Variants in NTNG2 observed in about 807,000 individuals in gnomAD.
NTNG2 encodes netrin G2, also known as netrin-G2.
A neutral mutation model predicts 47.6 loss-of-function variants in NTNG2; 15 were observed. The ratio of observed to expected loss-of-function variants is 0.32; its 90% CI spans 0.21 to 0.49. The LOEUF is 0.49. Among genes scored for constraint, NTNG2 ranks in the 20% least tolerant of loss-of-function variants. NTNG2 has a pLI of 0.99. For synonymous variants in NTNG2, 307 were observed against 324.6 expected, an observed-to-expected ratio of 0.95 and a Z score of 0.58; for missense variants, 578 against 764.6, an observed-to-expected ratio of 0.76 and a Z score of 2.88.
At chr9:132,225,593 G>A (rs1488574156) in intron 3 of NTNG2, among the ~76,000 whole-genome samples, 3 of 152,038 alleles carry the variant, frequency 2.0e-5, no homozygotes, top group African/African-American at 7.2e-5. Context: ...AAAAGATAAG[G>A]ACTTTAAAAA....
rs777317822 is a variant in NTNG2 at position 132,221,907 on chromosome 9, G to A, written c.858-4942G>A. Among the ~76,000 whole-genome samples the A allele has an allele frequency of 1.4e-4, 21 of 152,208 alleles. No homozygotes were observed. Among genetic ancestry groups the A allele is most frequent in the Non-Finnish European group, 2.6e-4 (18 of 68,044 alleles). ...GCCAAGGTCAATGTTATCACCCAAA[G>A]TTGATGGCAATCTTTTCTTTCGGTA... On this transcript the variant is annotated intron_variant, in intron 3 of 7. Transcript: ENST00000393229. The surrounding 1 kb of genome is among the most constrained non-coding windows in gnomAD (Gnocchi z 4.2).
At chr9:132,176,448 G>C (rs1316127673) in intron 2 of NTNG2, among the ~76,000 whole-genome samples, 1 of 152,170 alleles carries the variant, frequency 6.6e-6, no homozygotes, top group Non-Finnish European at 1.5e-5. Context: ...ACAATATGAG[G>C]CTCTTTGTGA....
In NTNG2 at chr9:132,243,085, C is replaced by T. The variant is rs1842079032; in HGVS notation, c.*974C>T. On this transcript the variant is annotated 3_prime_UTR_variant, in exon 8 of 8. Transcript: ENST00000393229. ...CACTGAAAGGCTGCCTCCCTCCTTT[C>T]CCAAAAAAGAAATCCGGAGTGTATT... is the stretch of plus-strand genomic sequence containing the variant. The T allele has an allele frequency of 6.6e-6, 1 of 152,172 alleles. No individual in the cohort carries two copies. The highest frequency in any genetic ancestry group is 1.5e-5 in the Non-Finnish European group (1 of 68,048). The allele number at this position is 152,172 out of a possible 1,614,324, so 9.4% of individuals were successfully genotyped here.
upstream of NTNG2, chr9:132,162,041 G>C (rs1300568978): frequency 2.0e-5 from 3 of 149,622 alleles, no homozygotes; most frequent in African/African-American, 7.3e-5. This position sits in a 1 kb window ranked among gnomAD's most constrained non-coding sequence, Gnocchi z 4.6. Context: ...CCGGCGGCCG[G>C]AGGGCTCCCT....
chr9:132,166,817 G>A lies in NTNG2; in HGVS notation c.-15G>A. ...CAGGGCTTCTCTGGGCCGCGCCTCT[G>A]CAGACTGCGCAGCCATGCTGCATCT... On this transcript the variant is annotated 5_prime_UTR_variant, in exon 2 of 8. Coordinates refer to ENST00000393229, the MANE Select transcript of NTNG2 (RefSeq NM_032536.4). 1 of 1,612,800 alleles carries A rather than the reference G, an allele frequency of 6.2e-7. No homozygotes were observed. Among genetic ancestry groups the A allele is most frequent in the East Asian group, 2.2e-5 (1 of 44,884 alleles).
chr9:132,224,552 G>T (rs749226749), intron 3 of NTNG2, among the ~76,000 whole-genome samples: 9 of 152,144 alleles, frequency 5.9e-5, no homozygotes, highest in Non-Finnish European at 1.0e-4. Flanking sequence ...CATCTGCTTT[G>T]TTGACATTAT....
At chr9:132,192,242 G>T (rs1189132286) in intron 2 of NTNG2, among the ~76,000 whole-genome samples, 2 of 152,342 alleles carry the variant, frequency 1.3e-5, no homozygotes, top group East Asian at 1.9e-4. Context: ...GGGGTGGGGG[G>T]ACTGGGGTAA....
At chr9:132,170,407 G>A (rs969570242) in intron 2 of NTNG2, among the ~76,000 whole-genome samples, 4 of 152,156 alleles carry the variant, frequency 2.6e-5, no homozygotes, top group Admixed American at 6.5e-5. Context: ...GAAGAGAGGC[G>A]GCCCCCACCC....
In NTNG2 at chr9:132,198,426, C is replaced by A; in HGVS notation, c.674C>A (p.Pro225His). Reference sequence around the variant, plus strand: ...GACCGCTTCGCCATCTTTGCCGGCCCCGACCTGCGCAACATGGACAACCTC... The same window carrying A: ...GACCGCTTCGCCATCTTTGCCGGCCACGACCTGCGCAACATGGACAACCTC... ...VRDRFAIFAGPDLRNMDNLYT... is the reference protein window; with the variant it reads ...VRDRFAIFAGHDLRNMDNLYT... Residue 225 changes from proline to histidine, a missense_variant, in exon 3 of 8, where the codon CCC becomes CAC. Transcript: ENST00000393229. The A allele has an allele frequency of 6.2e-7, 1 of 1,613,100 alleles. No individual in the cohort carries two copies.
At position 132,218,748 on chromosome 9, in the gene NTNG2, C is replaced by T. The variant is rs956452713; in HGVS notation, c.858-8101C>T. 4.6e-4 allele frequency among the ~76,000 whole-genome samples: 70 copies of T among 152,294 alleles called. No homozygotes were observed. Among genetic ancestry groups the T allele is most frequent in the Admixed American group, 1.8e-3 (27 of 15,302 alleles). ...CTGACCTCAGGTGATACACCCGCCT[C>T]GGCTTCCCAAAGTGCTGGGATTACA... On this transcript the variant is annotated intron_variant, in intron 3 of 7. Coordinates refer to ENST00000393229, the MANE Select transcript of NTNG2 (RefSeq NM_032536.4). The surrounding 1 kb of genome is among the most constrained non-coding windows in gnomAD (Gnocchi z 5.4).
chr9:132,194,606 T>G (rs1838141554), intron 2 of NTNG2, among the ~76,000 whole-genome samples: 1 of 152,254 alleles, frequency 6.6e-6, no homozygotes, highest in African/African-American at 2.4e-5. Flanking sequence ...AGGTGCCATC[T>G]GCTCTCGAGA....
rs1183537076 is a variant in NTNG2, at chr9:132,231,343, G to T, written c.1054+748G>T. The T allele has an allele frequency of 2.2e-6, 1 of 456,378 alleles. No homozygotes were observed. Among genetic ancestry groups the T allele is most frequent in the Non-Finnish European group, 4.4e-6 (1 of 226,804 alleles). The allele number at this position is 456,378 out of a possible 1,614,324, so 28.3% of individuals were successfully genotyped here. ...AGGTCGCCATCTGCTCTGCGAGGCA[G>T]CAGGAGAGGACTGGCCAATGTCAAA... On this transcript the variant is annotated intron_variant, in intron 5 of 7. Coordinates refer to ENST00000393229, the MANE Select transcript of NTNG2 (RefSeq NM_032536.4). The surrounding 1 kb of genome is among the most constrained non-coding windows in gnomAD (Gnocchi z 4.1).
chr9:132,183,344 C>G (rs1837093844), intron 2 of NTNG2, among the ~76,000 whole-genome samples: 1 of 152,196 alleles, frequency 6.6e-6, no homozygotes, highest in African/African-American at 2.4e-5. Flanking sequence ...TTGGCCTTCT[C>G]TCCTGCGCTC....
In NTNG2 at chr9:132,221,035, C is replaced by T. The variant is rs933756476; in HGVS notation, c.858-5814C>T. On this transcript the variant is annotated intron_variant, in intron 3 of 7. Coordinates refer to ENST00000393229, the MANE Select transcript of NTNG2 (RefSeq NM_032536.4). This position sits in a 1 kb window ranked among gnomAD's most constrained non-coding sequence, Gnocchi z 4.2. The stretch of plus-strand genomic sequence containing the variant: ...CTGTAGAGCTGTTTTACAGTCCATG[C>T]GCCCATCTCCCCCAGTCATCTCGTA... Among the ~76,000 whole-genome samples the T allele has an allele frequency of 1.3e-5, 2 of 152,062 alleles. No homozygotes were observed. The highest frequency in any genetic ancestry group is 3.8e-4 in the East Asian group (2 of 5,200).
intron 2 of NTNG2, among the ~76,000 whole-genome samples, chr9:132,178,562 G>A (rs1836663326): frequency 6.6e-6 from 1 of 152,060 alleles, no homozygotes; most frequent in Non-Finnish European, 1.5e-5. Context: ...GAAGCAGGTG[G>A]CTGGTGTCCC....
At chr9:132,241,165 G>A in intron 7 of NTNG2, 121 bp downstream of exon 7, 2 of 1,269,248 alleles carry the variant, frequency 1.6e-6, no homozygotes, top group Non-Finnish European at 2.1e-6. Flanking sequence ...GCAAGACGGG[G>A]CAGGGCCGGG....
intron 3 of NTNG2, among the ~76,000 whole-genome samples, chr9:132,224,924 CT>C (rs764637800): frequency 0.012 from 1,803 of 149,670 alleles, 40 homozygotes; most frequent in African/African-American, 0.041. Context: ...TCTCTCTCTG[CT>C]TTTTTTTTTC....
intron 2 of NTNG2, among the ~76,000 whole-genome samples, chr9:132,172,469 G>A (rs1835998094): frequency 6.6e-6 from 1 of 152,196 alleles, no homozygotes; most frequent in African/African-American, 2.4e-5. Context: ...ACTGTCATGA[G>A]CACGGTGCTT....
chr9:132,199,242 C>T (rs1400253645), intron 3 of NTNG2, among the ~76,000 whole-genome samples: 2 of 152,136 alleles, frequency 1.3e-5, no homozygotes, highest in Non-Finnish European at 2.9e-5. Flanking sequence ...TGAGGCTGTC[C>T]ACTGACTCAG....
Sources: gnomAD v4.1 joint callset for allele counts (sites outside exome capture counted in the v4.1 genomes callset) on GRCh38, gnomAD v4.1.1 for gene constraint, Gnocchi (gnomAD v3.1) non-coding constraint, MANE v1.5 for transcripts, NCBI Gene and HGNC (gene_info 2026-07-23, HGNC 2026-07-21) for gene names.